TDRD7: variants seen among roughly 807,000 people sequenced by gnomAD.
TDRD7 encodes the protein tudor domain containing 7.
In TDRD7, 47 loss-of-function variants were observed where a neutral mutation model predicts 109.8. The observed-to-expected ratio is 0.43, with a 90% confidence interval of 0.34 to 0.55. The LOEUF (loss-of-function observed/expected upper bound fraction) is 0.55. Among genes scored for constraint, TDRD7 ranks in the 20% least tolerant of loss-of-function variants. The probability of loss-of-function intolerance (pLI) is 0.03; values close to 1 mark genes in which losing one functional copy is unlikely to be tolerated. For missense variants in TDRD7, 1,164 were observed against 1,319.2 expected (o/e 0.88, Z 1.82); for synonymous variants, 424 against 457.3 (o/e 0.93, Z 0.93).
chr9:97,492,240 G>A lies in TDRD7; in HGVS notation c.3077-3423G>A, dbSNP rs111242259. 8.5e-5 allele frequency among the ~76,000 whole-genome samples: 13 copies of A among 152,240 alleles called. 2 individuals carry two copies. Among genetic ancestry groups the A allele is most frequent in the African/African-American group, 3.1e-4 (13 of 41,536 alleles). On this transcript the variant is annotated intron_variant, in intron 16 of 16. Coordinates refer to ENST00000355295, the MANE Select transcript of TDRD7 (RefSeq NM_014290.3). ...TTCTAAGCTCTTTACATGCCAGATCGGTAGGCAGAAGTTCTACCAACTGCT... is the reference window on the plus strand; with the variant it reads ...TTCTAAGCTCTTTACATGCCAGATCAGTAGGCAGAAGTTCTACCAACTGCT...
intron 4 of TDRD7, among the ~76,000 whole-genome samples, chr9:97,436,730 T>G (rs771172858): frequency 1.3e-5 from 2 of 152,172 alleles, no homozygotes; most frequent in Non-Finnish European, 2.9e-5. Flanking sequence ...ATCCAGAATT[T>G]ATTTTATTTT....
At chr9:97,440,773 T>C (rs771499091) in intron 5 of TDRD7, among the ~76,000 whole-genome samples, 28 of 152,300 alleles carry the variant, frequency 1.8e-4, no homozygotes, top group Admixed American at 6.5e-4. Context: ...TATGCATATA[T>C]TTTGCATATA....
At chr9:97,430,848 A>G in intron 2 of TDRD7, 85 bp from the exon 3 acceptor site, 1 of 1,545,922 alleles carries the variant, frequency 6.5e-7, no homozygotes, top group South Asian at 1.1e-5. Flanking sequence ...ATGTAGGCTC[A>G]CTAAGATCCA....
chr9:97,450,154 C>A (rs1377900595), intron 6 of TDRD7, among the ~76,000 whole-genome samples: 1 of 151,992 alleles, frequency 6.6e-6, no homozygotes, highest in Non-Finnish European at 1.5e-5. Flanking sequence ...ACCTGTCTCT[C>A]CTGCTGGAGG....
At chr9:97,469,742 A>AT (rs1828880538) in intron 8 of TDRD7, among the ~76,000 whole-genome samples, 1 of 151,986 alleles carries the variant, frequency 6.6e-6, no homozygotes, top group African/African-American at 2.4e-5. Flanking sequence ...CTAGATTTTT[A>AT]TTTTTCTCAA....
intron 12 of TDRD7, among the ~76,000 whole-genome samples, chr9:97,477,590 A>G (rs1829044725): frequency 6.6e-6 from 1 of 152,116 alleles, no homozygotes; most frequent in Admixed American, 6.6e-5. Context: ...TATATTGTCT[A>G]CCTTCAAGGT....
chr9:97,455,422 T>C (rs1479204885), intron 6 of TDRD7, among the ~76,000 whole-genome samples: 2 of 152,178 alleles, frequency 1.3e-5, no homozygotes, highest in Non-Finnish European at 2.9e-5. Flanking sequence ...GTGAAAATCC[T>C]CAAGAAAATA....
intron 1 of TDRD7, among the ~76,000 whole-genome samples, chr9:97,425,117 T>C (rs899148619): frequency 1.3e-5 from 2 of 152,110 alleles, no homozygotes; most frequent in Non-Finnish European, 2.9e-5. Flanking sequence ...GTACCCCACA[T>C]GAGGGAATTT....
chr9:97,465,226 C>CA (rs533039286), intron 8 of TDRD7, among the ~76,000 whole-genome samples, 198 bp downstream of exon 8: 29 of 152,240 alleles, frequency 1.9e-4, no homozygotes, highest in African/African-American at 5.8e-4. Context: ...ATTATTATCT[C>CA]AGAGTTTTAG....
At chr9:97,415,601 T>C (rs1249823652) in intron 1 of TDRD7, among the ~76,000 whole-genome samples, 3 of 152,156 alleles carry the variant, frequency 2.0e-5, no homozygotes, top group Admixed American at 1.3e-4. Flanking sequence ...GCATTATTAG[T>C]GTCTTGGATA....
intron 1 of TDRD7, among the ~76,000 whole-genome samples, chr9:97,426,171 A>G (rs1006508197): frequency 1.3e-5 from 2 of 152,228 alleles, no homozygotes; most frequent in Admixed American, 6.5e-5. Context: ...GTGAAGGCCT[A>G]GGACATTACT....
intron 16 of TDRD7, among the ~76,000 whole-genome samples, chr9:97,490,698 T>C (rs1353591535): frequency 6.6e-6 from 1 of 151,842 alleles, no homozygotes; most frequent in Non-Finnish European, 1.5e-5. Context: ...TATTATGCAT[T>C]TGTTACACCT....
rs1289535418 is a variant in TDRD7, at chr9:97,460,325, A to G, written c.1003A>G (p.Thr335Ala). ...KQTPPLKGCP[T>A]VMAGDFKEKV... ...AACACCACCGTTGAAAGGGTGTCCA[A>G]CAGTTATGGCAGGAGACTTTAAAGA... is the stretch of plus-strand genomic sequence containing the variant. Residue 335 changes from threonine to alanine, a missense_variant, in exon 7 of 17, where the codon ACA (threonine) becomes GCA (alanine). Thr to Ala is a moderately conservative substitution (Grantham distance 58). This residue lies in a region of TDRD7 where 407 missense variants were observed against 394.0 expected (regional missense o/e 1.03). Coordinates refer to ENST00000355295, the MANE Select transcript of TDRD7 (RefSeq NM_014290.3). 3 of 1,614,108 alleles carry G rather than the reference A, an allele frequency of 1.9e-6. No individual in the cohort carries two copies. Among genetic ancestry groups the G allele is most frequent in the African/African-American group, 1.3e-5 (1 of 74,946 alleles).
chr9:97,472,618 A>G, intron 10 of TDRD7, 123 bp downstream of exon 10: 1 of 870,720 alleles, frequency 1.1e-6, no homozygotes, highest in South Asian at 1.4e-5. Flanking sequence ...GAGGGGAAAA[A>G]AGGAGGGAGT....
At chr9:97,431,311 G>A (rs181137311) in intron 3 of TDRD7, among the ~76,000 whole-genome samples, 2 of 152,264 alleles carry the variant, frequency 1.3e-5, no homozygotes, top group Admixed American at 6.5e-5. Context: ...GATTTTAATT[G>A]AGCTTGTTAC....
intron 2 of TDRD7, among the ~76,000 whole-genome samples, chr9:97,430,384 C>T (rs1828080613): frequency 6.6e-6 from 1 of 152,146 alleles, no homozygotes; most frequent in African/African-American, 2.4e-5. Context: ...CTAAACCACC[C>T]CTGTTTTACA....
chr9:97,464,948 G>A lies in TDRD7; in HGVS notation c.1549G>A (p.Gly517Arg). 1 of 1,614,162 alleles carries A rather than the reference G, an allele frequency of 6.2e-7. No individual in the cohort carries two copies. The highest frequency in any genetic ancestry group is 8.5e-7 in the Non-Finnish European group (1 of 1,180,012). Reference sequence around the variant, plus strand: ...CACACCAGTCCAGGCTGTGAATGTTGGGCAGTTGCTGGCCGTAAATGCCGA... The same window carrying A: ...CACACCAGTCCAGGCTGTGAATGTTAGGCAGTTGCTGGCCGTAAATGCCGA... ...KITPVQAVNV[G>R]QLLAVNAEED... Residue 517 changes from glycine to arginine, a missense_variant, in exon 8 of 17, where the codon GGG becomes AGG. Physicochemically the swap from Gly to Arg is moderately radical, Grantham distance 125. Transcript: ENST00000355295.
At chr9:97,414,498 A>C (rs1342960657) in intron 1 of TDRD7, among the ~76,000 whole-genome samples, 1 of 152,230 alleles carries the variant, frequency 6.6e-6, no homozygotes, top group Non-Finnish European at 1.5e-5. Context: ...CCTTGTGAAA[A>C]AAAGAGACCT....
intron 2 of TDRD7, among the ~76,000 whole-genome samples, 197 bp from the exon 3 acceptor site, chr9:97,430,736 G>C (rs188604114): frequency 1.3e-5 from 2 of 152,116 alleles, no homozygotes; most frequent in Non-Finnish European, 2.9e-5. Flanking sequence ...ATAATTCAAT[G>C]TACTAGACTA....
Sources: gnomAD v4.1 joint callset for allele counts (sites outside exome capture counted in the v4.1 genomes callset) on GRCh38, gnomAD v4.1.1 for gene constraint, gnomAD v4.1.1 regional missense constraint, MANE v1.5 for transcripts, NCBI Gene and HGNC (gene_info 2026-07-23, HGNC 2026-07-21) for gene names.